Variants in DTWD1 observed in about 807,000 individuals in gnomAD.
DTWD1 encodes tRNA-uridine aminocarboxypropyltransferase 1.
DTWD1 carries 27 observed loss-of-function variants against 30.2 expected under a neutral mutation model. The observed-to-expected ratio is 0.90, with a 90% CI of 0.66 to 1.23. The LOEUF is 1.23. Ranked by LOEUF, DTWD1 falls within the 50% of genes most tolerant of loss-of-function variation. The pLI, the probability that DTWD1 is intolerant of heterozygous loss-of-function variation, is 0.00. For synonymous variants in DTWD1, 99 were observed against 113.1 expected (o/e 0.88, Z 0.79); for missense variants, 342 against 348.8 (o/e 0.98, Z 0.15).
chr15:49,643,674 C>A lies in DTWD1; in HGVS notation c.*96C>A. ...CTTAAGAAATAATCATATATAATGC[C>A]TGTAAGACCATTTGAAAAAATTCCA... On this transcript the variant is annotated 3_prime_UTR_variant, in exon 5 of 5. Coordinates refer to ENST00000403028, the MANE Select transcript of DTWD1 (RefSeq NM_001144955.2). 7.9e-7 allele frequency: 1 copy of A among 1,268,710 alleles called. No individual in the cohort carries two copies. The allele number at this position is 1,268,710 out of a possible 1,614,324, so 78.6% of individuals were successfully genotyped here. A position where few individuals can be genotyped will look rare whatever the true frequency, so the allele number is the denominator to read the frequency against.
In DTWD1 at chr15:49,654,444, A is replaced by T. The variant is rs2079168577; in HGVS notation, c.*10866A>T. On this transcript the variant is annotated 3_prime_UTR_variant, in exon 5 of 5. Transcript: ENST00000403028. ...ACTTTGACCAATAAAATGTGGTAAA[A>T]GTAAGGTCTGGCAGTTTTCACTTTC... 1 of 152,000 alleles carries T rather than the reference A, an allele frequency of 6.6e-6. No individual in the cohort carries two copies. Among genetic ancestry groups the T allele is most frequent in the Non-Finnish European group, 1.5e-5 (1 of 68,006 alleles). 9.4% of individuals were successfully genotyped at this position (152,000 alleles called of 1,614,324 possible).
chr15:49,632,202 A>G lies in DTWD1; in HGVS notation c.308A>G (p.Asp103Gly), dbSNP rs1207923659. 3.8e-6 allele frequency: 6 copies of G among 1,593,538 alleles called. No homozygotes were observed. The highest frequency in any genetic ancestry group is 5.1e-6 in the Non-Finnish European group (6 of 1,174,266). The change falls in exon 3 of 5, where the codon GAT becomes GGT. Residue 103 changes from aspartate to glycine, a missense_variant. By Grantham distance (94) the Asp-to-Gly change is moderately conservative. Transcript: ENST00000403028. ...IDIIKHPNETDGKSTAIHAKL... is the reference protein window; with the variant it reads ...IDIIKHPNETGGKSTAIHAKL... ...ATCATTAAACATCCAAATGAAACAG[A>G]TGGCAAAAGTACTGCTATACATGCA...
At chr15:49,636,678 T>C (rs2079007272) in intron 4 of DTWD1, among the ~76,000 whole-genome samples, 1 of 152,194 alleles carries the variant, frequency 6.6e-6, no homozygotes, top group African/African-American at 2.4e-5. Flanking sequence ...TCCAGGGTTG[T>C]CTATGTCTAG....
chr15:49,632,107 T>C, intron 2 of DTWD1, 52 bp from the exon 3 acceptor site: 1 of 1,426,092 alleles, frequency 7.0e-7, no homozygotes, highest in South Asian at 1.5e-5. Context: ...TTTATTAACA[T>C]AAAAATTAAA....
intron 1 of DTWD1, among the ~76,000 whole-genome samples, chr15:49,622,514 A>G (rs2078761522): frequency 6.6e-6 from 1 of 152,176 alleles, no homozygotes; most frequent in Admixed American, 6.5e-5. Context: ...TTCCAGAATG[A>G]TGGACGCACC....
In DTWD1 at chr15:49,632,181, T is replaced by A; in HGVS notation, c.287T>A (p.Ile96Asn). ...LVKLPLKIDIIKHPNETDGKS... is the reference protein window; with the variant it reads ...LVKLPLKIDINKHPNETDGKS... ...TAGCTTCCATTGAAGATTGACATCA[T>A]TAAACATCCAAATGAAACAGATGGC... Residue 96 changes from isoleucine (I) to asparagine (N), a missense_variant, in exon 3 of 5, where the codon ATT becomes AAT. Physicochemically the swap from Ile to Asn is moderately radical, Grantham distance 149. Transcript: ENST00000403028. 1 of 1,579,854 alleles carries A rather than the reference T, an allele frequency of 6.3e-7. No individual in the cohort carries two copies. Among genetic ancestry groups the A allele is most frequent in the Non-Finnish European group, 8.5e-7 (1 of 1,170,476 alleles).
At chr15:49,633,029 T>C (rs1274056242) in intron 3 of DTWD1, among the ~76,000 whole-genome samples, 1 of 85,164 alleles carries the variant, frequency 1.2e-5, no homozygotes, top group African/African-American at 3.3e-5. Flanking sequence ...AAATTTTTAC[T>C]TTCCTATTTA....
At chr15:49,637,484 G>T (rs1210456851) in intron 4 of DTWD1, among the ~76,000 whole-genome samples, 1 of 152,108 alleles carries the variant, frequency 6.6e-6, no homozygotes, top group Non-Finnish European at 1.5e-5. Context: ...TTACTTTTGG[G>T]ATGTCATTGC....
chr15:49,641,283 T>C (rs12594109), intron 4 of DTWD1, among the ~76,000 whole-genome samples: 29 of 151,974 alleles, frequency 1.9e-4, no homozygotes, highest in African/African-American at 7.0e-4. Context: ...TTGATTGAGG[T>C]TTTTTCTTAT....
intron 1 of DTWD1, among the ~76,000 whole-genome samples, chr15:49,621,606 AAATT>A (rs1436410990): frequency 6.6e-6 from 1 of 152,194 alleles, no homozygotes; most frequent in African/African-American, 2.4e-5. Context: ...TCTTACGTCT[AAATT>A]ATTTATTGGG....
chr15:49,622,858 T>C (rs1026919266), intron 1 of DTWD1, among the ~76,000 whole-genome samples: 2 of 152,210 alleles, frequency 1.3e-5, no homozygotes, highest in Non-Finnish European at 2.9e-5. Flanking sequence ...GGTGGAGCCA[T>C]AAACATTTCT....
chr15:49,626,701 G>A, intron 2 of DTWD1: 1 of 396,052 alleles, frequency 2.5e-6, no homozygotes, highest in Non-Finnish European at 5.2e-6. Context: ...TGAATTTGAA[G>A]TAAGAAGAGT....
In DTWD1 at chr15:49,633,043, C is replaced by CTATATCTATATCTATATATATATATA. The variant is rs1555588573; in HGVS notation, c.408+752_408+753insCTATATATATATATATATATCTATAT. The stretch of plus-strand genomic sequence containing the variant: ...TAAATTTTTACTTTCCTATTTATAT[C>CTATATCTATATCTATATATATATATA]TATATCTATATATATATATATATAT... On this transcript the variant is annotated intron_variant, in intron 3 of 4. Coordinates refer to ENST00000403028, the MANE Select transcript of DTWD1 (RefSeq NM_001144955.2). 3.3e-3 allele frequency among the ~76,000 whole-genome samples: 433 copies of CTATATCTATATCTATATATATATATA among 129,500 alleles called. 2 individuals are homozygous for CTATATCTATATCTATATATATATATA. Among genetic ancestry groups the CTATATCTATATCTATATATATATATA allele is most frequent in the African/African-American group, 0.012 (414 of 35,858 alleles). The allele number at this position is 129,500 out of a possible 152,430, so 85.0% of individuals were successfully genotyped here. A position where few individuals can be genotyped will look rare whatever the true frequency, so the allele number is the denominator to read the frequency against.
At chr15:49,633,631 G>A (rs1333947237) in intron 3 of DTWD1, 5 of 271,072 alleles carry the variant, frequency 1.8e-5, no homozygotes, top group East Asian at 1.6e-4. Context: ...CACTGTGCCC[G>A]GCCAAGATTT....
intron 4 of DTWD1, among the ~76,000 whole-genome samples, chr15:49,640,442 A>G (rs1248226003): frequency 6.6e-6 from 1 of 152,124 alleles, no homozygotes; most frequent in Non-Finnish European, 1.5e-5. Context: ...CCTCTAGGAA[A>G]CATCCCTAGG....
At chr15:49,643,278 A>AATATTTAT (rs1435551478) in intron 4 of DTWD1, 53 bp from the exon 5 acceptor site, 2 of 1,450,688 alleles carry the variant, frequency 1.4e-6, no homozygotes, top group African/African-American at 2.9e-5. Flanking sequence ...GTTAAGAAGA[A>AATATTTAT]ATATTTATAT....
chr15:49,630,310 A>G (rs1320384172), intron 2 of DTWD1, among the ~76,000 whole-genome samples: 1 of 152,194 alleles, frequency 6.6e-6, no homozygotes, highest in Middle Eastern at 3.2e-3. Flanking sequence ...CACTTTAAAT[A>G]TGTACAGTTT....
chr15:49,628,104 T>G (rs563573613), intron 2 of DTWD1, among the ~76,000 whole-genome samples: 1 of 152,264 alleles, frequency 6.6e-6, no homozygotes, highest in African/African-American at 2.4e-5. Flanking sequence ...CTTTTTTTGT[T>G]GAAAACCAAG....
chr15:49,651,594 A>G lies in DTWD1; in HGVS notation c.*8016A>G, dbSNP rs2079152652. On this transcript the variant is annotated 3_prime_UTR_variant, in exon 5 of 5. Coordinates refer to ENST00000403028, the MANE Select transcript of DTWD1 (RefSeq NM_001144955.2). ...ACACAGACAATACTGCACCCCTGAT[A>G]TAATACCATTCTTCAATATCAAGTT... The G allele has an allele frequency of 6.6e-6, 1 of 152,166 alleles. No individual in the cohort carries two copies. The highest frequency in any genetic ancestry group is 1.5e-5 in the Non-Finnish European group (1 of 68,016). 9.4% of individuals were successfully genotyped at this position (152,166 alleles called of 1,614,324 possible).
Sources: allele counts gnomAD v4.1 joint callset (sites outside exome capture counted in the v4.1 genomes callset), GRCh38; gene constraint gnomAD v4.1.1; transcripts MANE v1.5; gene names NCBI Gene and HGNC (gene_info 2026-07-23, HGNC 2026-07-21).